SHANK2: variants seen among roughly 807,000 people sequenced by gnomAD.
SHANK2 encodes the protein SH3 and multiple ankyrin repeat domains protein 2.
In SHANK2, 43 loss-of-function variants were observed where a neutral mutation model predicts 133.7. That is an observed-to-expected ratio of 0.32 (90% CI 0.25 to 0.41). SHANK2 has a LOEUF of 0.41. SHANK2 is among the 10% of genes least tolerant of loss of function. The pLI is 1.00. For missense variants in SHANK2, 1,994 were observed against 2,235.8 expected, an observed-to-expected ratio of 0.89 and a Z score of 2.18; for synonymous variants, 1,017 against 952.8, an observed-to-expected ratio of 1.07 and a Z score of -1.24.
At chr11:70,741,227 CCATG>C (rs1312574258) in intron 14 of SHANK2, among the ~76,000 whole-genome samples, 4 of 142,482 alleles carry the variant, frequency 2.8e-5, no homozygotes, top group East Asian at 4.0e-4. Flanking sequence ...ATGCATTTAA[CCATG>C]CATCCATCCA....
At chr11:70,503,440 C>T (rs1176983483) in intron 17 of SHANK2, among the ~76,000 whole-genome samples, 1 of 152,192 alleles carries the variant, frequency 6.6e-6, no homozygotes, top group South Asian at 2.1e-4. Context: ...CCCCTTTCCT[C>T]CCACTCCCTC....
Position 70,472,629 on chromosome 11 carries a change from A to T in SHANK2, c.*240T>A. On this transcript the variant is annotated 3_prime_UTR_variant, in exon 26 of 26. Transcript: ENST00000601538. The surrounding 1 kb of genome is among the most constrained non-coding windows in gnomAD (Gnocchi z 4.4). ...GGCTGAGAATCTTTTTCCATGTTAG[A>T]AAAACTCCCTCCCCTTGTCCCATGT... 1.8e-6 allele frequency: 1 copy of T among 563,316 alleles called. No individual in the cohort carries two copies. The allele number at this position is 563,316 out of a possible 1,614,324, so 34.9% of individuals were successfully genotyped here. A position where few individuals can be genotyped will look rare whatever the true frequency, so the allele number is the denominator to read the frequency against.
intron 2 of SHANK2, among the ~76,000 whole-genome samples, chr11:71,199,081 G>GGACC (rs1953969758): frequency 6.6e-6 from 1 of 152,170 alleles, no homozygotes; most frequent in Non-Finnish European, 1.5e-5. Flanking sequence ...GGGGCATGAG[G>GGACC]GACCCCCCAA....
At chr11:70,760,821 G>A (rs782002374) in intron 14 of SHANK2, among the ~76,000 whole-genome samples, 6 of 152,240 alleles carry the variant, frequency 3.9e-5, no homozygotes, top group Non-Finnish European at 8.8e-5. Flanking sequence ...AACCTGGAGG[G>A]TGGTAGTCAG....
At chr11:71,115,465 T>A (rs1951961113) in intron 4 of SHANK2, among the ~76,000 whole-genome samples, 1 of 151,948 alleles carries the variant, frequency 6.6e-6, no homozygotes, top group Non-Finnish European at 1.5e-5. Flanking sequence ...CGAGACTCGG[T>A]CTCAAAAACA....
chr11:70,856,782 T>A (rs999886295), intron 11 of SHANK2, among the ~76,000 whole-genome samples: 2 of 151,954 alleles, frequency 1.3e-5, no homozygotes, highest in Non-Finnish European at 2.9e-5. Flanking sequence ...TTACACAGAG[T>A]CCCACTCAAT....
intron 10 of SHANK2, among the ~76,000 whole-genome samples, chr11:70,955,293 G>A (rs1163175103): frequency 6.6e-6 from 1 of 152,104 alleles, no homozygotes; most frequent in Non-Finnish European, 1.5e-5. Flanking sequence ...AATGCCAGGT[G>A]CTAAAGTCCC....
At chr11:71,126,995 G>A (rs183968526) in intron 3 of SHANK2, among the ~76,000 whole-genome samples, 36 of 152,208 alleles carry the variant, frequency 2.4e-4, no homozygotes, top group African/African-American at 7.2e-4. Flanking sequence ...TTGAGCCACC[G>A]CGCCCAGCTA....
At chr11:70,554,899 G>A (rs562484251) in intron 17 of SHANK2, among the ~76,000 whole-genome samples, 3 of 45,770 alleles carry the variant, frequency 6.6e-5, no homozygotes, top group Non-Finnish European at 1.0e-4. Context: ...CACGAACATT[G>A]CATTTTTTTT....
At chr11:71,143,833 C>A (rs1418121001) in intron 3 of SHANK2, among the ~76,000 whole-genome samples, 1 of 151,932 alleles carries the variant, frequency 6.6e-6, no homozygotes, top group Middle Eastern at 3.2e-3. Context: ...TTGTAGGAAT[C>A]GAACACTGCA....
intron 17 of SHANK2, among the ~76,000 whole-genome samples, chr11:70,571,916 T>C (rs1469802573): frequency 6.6e-6 from 1 of 152,006 alleles, no homozygotes; most frequent in African/African-American, 2.4e-5. Context: ...CATTCCTGGG[T>C]TGGACCCTAA....
Position 70,500,731 on chromosome 11 carries a change from G to T in SHANK2, c.2288-141C>A. The stretch of plus-strand genomic sequence containing the variant: ...GCGGCAGGCAGGGGCTGTCTGGAAC[G>T]CTGCGAACGCAGGCTGCGCTATCCA... On this transcript the variant is annotated intron_variant, in intron 20 of 25. Transcript: ENST00000601538. The surrounding 1 kb of genome is among the most constrained non-coding windows in gnomAD (Gnocchi z 4.5). 1.8e-6 allele frequency: 2 copies of T among 1,105,566 alleles called. No individual in the cohort carries two copies. Among genetic ancestry groups the T allele is most frequent in the East Asian group, 2.6e-5 (1 of 38,898 alleles). 68.5% of individuals were successfully genotyped at this position (1,105,566 alleles called of 1,614,324 possible).
At chr11:70,826,216 C>G (rs1590730763) in intron 11 of SHANK2, among the ~76,000 whole-genome samples, 1 of 152,214 alleles carries the variant, frequency 6.6e-6, no homozygotes, top group African/African-American at 2.4e-5. Context: ...GATGGCCATT[C>G]CGGAATGGAG....
intron 17 of SHANK2, among the ~76,000 whole-genome samples, chr11:70,531,761 C>T (rs1054139526): frequency 2.0e-5 from 3 of 152,156 alleles, no homozygotes; most frequent in Non-Finnish European, 4.4e-5. Context: ...GCATGTCACT[C>T]GGGGCTGGAA....
Position 70,479,685 on chromosome 11 carries a change from ACTCACTGCT to A in SHANK2, c.4979+5620_4979+5628del, listed in dbSNP as rs1415841085. 6.6e-6 allele frequency among the ~76,000 whole-genome samples: 1 copy of A among 152,126 alleles called. No homozygotes were observed. The highest frequency in any genetic ancestry group is 1.5e-5 in the Non-Finnish European group (1 of 68,004). On this transcript the variant is annotated intron_variant, in intron 25 of 25. Transcript: ENST00000601538. The surrounding 1 kb of genome is among the most constrained non-coding windows in gnomAD (Gnocchi z 4.4). ...CCATGGGGGACCCCCACAAGCACACACTCACTGCTCTGTTGCCCCCACATACAGAGCAAA... is the reference window on the plus strand; with the variant it reads ...CCATGGGGGACCCCCACAAGCACACACTGTTGCCCCCACATACAGAGCAAA...
At position 71,143,453 on chromosome 11, in the gene SHANK2, C is replaced by T. The variant is rs1479948985; in HGVS notation, c.207+3667G>A. 7.2e-5 allele frequency among the ~76,000 whole-genome samples: 11 copies of T among 152,314 alleles called. No homozygotes were observed. In the East Asian group the frequency reaches 2.1e-3, roughly 29 times the overall value. On this transcript the variant is annotated intron_variant, in intron 3 of 25. Coordinates refer to ENST00000601538, the MANE Select transcript of SHANK2 (RefSeq NM_012309.5). ...AGCCTGCCCGATGCGCGGGTTCCCA[C>T]GGGAGGTTGATCAAGGTGGTGGTCC...
chr11:70,593,473 A>G (rs1345629276), intron 17 of SHANK2, among the ~76,000 whole-genome samples: 2 of 152,152 alleles, frequency 1.3e-5, no homozygotes, highest in African/African-American at 4.8e-5. Context: ...GTGCTGTTTC[A>G]TCAGACTCAG....
chr11:71,215,672 T>A (rs1291064631), intron 2 of SHANK2, among the ~76,000 whole-genome samples: 1 of 151,930 alleles, frequency 6.6e-6, no homozygotes, highest in African/African-American at 2.4e-5. Context: ...GCCCTGCTAA[T>A]GTCCTCGGAC....
chr11:70,558,493 A>T (rs1554980114), intron 17 of SHANK2, among the ~76,000 whole-genome samples: 1 of 152,224 alleles, frequency 6.6e-6, no homozygotes, highest in African/African-American at 2.4e-5. Flanking sequence ...CCAGGGTTCC[A>T]AGCCTGGATC....
Sources: gnomAD v4.1 joint callset for allele counts (sites outside exome capture counted in the v4.1 genomes callset) on GRCh38, gnomAD v4.1.1 for gene constraint, Gnocchi (gnomAD v3.1) non-coding constraint, MANE v1.5 for transcripts, NCBI Gene and HGNC (gene_info 2026-07-23, HGNC 2026-07-21) for gene names.